The following PRKCZ variants were observed in gnomAD, a reference collection of about 807,000 sequenced individuals.
PRKCZ encodes protein kinase C zeta type.
In PRKCZ, 33 loss-of-function variants were observed where a neutral mutation model predicts 79.5. That is an observed-to-expected ratio of 0.41 (90% CI 0.31 to 0.55). The LOEUF (loss-of-function observed/expected upper bound fraction) is 0.55. Ranked by LOEUF, PRKCZ falls within the 20% of genes least tolerant of loss-of-function variation. The probability of loss-of-function intolerance (pLI) is 0.19; values close to 1 mark genes in which losing one functional copy is unlikely to be tolerated. For missense variants in PRKCZ, 578 were observed against 813.5 expected (o/e 0.71, Z 3.52); for synonymous variants, 342 against 320.9 (o/e 1.07, Z -0.70).
At chr1:2,096,129 G>C (rs1206290069) in intron 4 of PRKCZ, among the ~76,000 whole-genome samples, 2 of 151,660 alleles carry the variant, frequency 1.3e-5, no homozygotes, top group Non-Finnish European at 2.9e-5. Flanking sequence ...CAAGCAGATG[G>C]GGACCTCGGC....
In PRKCZ at chr1:2,066,633, C is replaced by T. The variant is rs192767102; in HGVS notation, c.334+7042C>T. ...TAGGGATTTCGGGCATGAGCTGCTG[C>T]GCCCGGCCCTGCTCTCATCTTTATT... On this transcript the variant is annotated intron_variant, in intron 4 of 17. Transcript: ENST00000378567. 7.5e-4 allele frequency among the ~76,000 whole-genome samples: 115 copies of T among 152,334 alleles called. 2 individuals are homozygous for T. The East Asian group carries it at 0.016, about 21-fold the overall frequency.
At position 2,123,324 on chromosome 1, in the gene PRKCZ, TGGTGGTGGTTAGGGTCAC is replaced by T. The variant is rs1557622655; in HGVS notation, c.335-11921_335-11904del. 5.7e-4 allele frequency among the ~76,000 whole-genome samples: 12 copies of T among 21,108 alleles called. 2 individuals carry two copies. Among genetic ancestry groups the T allele is most frequent in the Middle Eastern group, 0.014 (1 of 70 alleles). 13.8% of individuals were successfully genotyped at this position (21,108 alleles called of 152,430 possible). On this transcript the variant is annotated intron_variant, in intron 4 of 17. Coordinates refer to ENST00000378567, the MANE Select transcript of PRKCZ (RefSeq NM_002744.6). Reference sequence around the variant, plus strand: ...AGGGTCACGGTGGTGGTTAGGGTCATGGTGGTGGTTAGGGTCACGGTGGTGGTTAGGGTCGTGGTGGTT... The same window carrying T: ...AGGGTCACGGTGGTGGTTAGGGTCATGGTGGTGGTTAGGGTCGTGGTGGTT...
chr1:2,151,841 G>A (rs939699319), intron 9 of PRKCZ, among the ~76,000 whole-genome samples: 3 of 151,842 alleles, frequency 2.0e-5, no homozygotes, highest in Non-Finnish European at 4.4e-5. Context: ...TGTATTTTTT[G>A]TAGAGGCAGT....
At chr1:2,133,690 C>T (rs563329254) in intron 4 of PRKCZ, 1 of 153,146 alleles carries the variant, frequency 6.5e-6, no homozygotes, top group Non-Finnish European at 1.5e-5. Flanking sequence ...GACTCGGCCC[C>T]TCAGCTGTGC....
At chr1:2,053,579 T>C (rs1345862895) in intron 1 of PRKCZ, among the ~76,000 whole-genome samples, 3 of 152,136 alleles carry the variant, frequency 2.0e-5, no homozygotes, top group Non-Finnish European at 4.4e-5. Context: ...GGGATAGGGT[T>C]GGAGGTGGTG....
intron 11 of PRKCZ, among the ~76,000 whole-genome samples, chr1:2,170,579 CCG>C (rs1684234937): frequency 6.6e-6 from 1 of 152,196 alleles, no homozygotes; most frequent in South Asian, 2.1e-4. Flanking sequence ...CTGCTGGCCC[CCG>C]TCTCATCTCC....
At chr1:2,143,545 C>T (rs371215467) in intron 5 of PRKCZ, 1 of 152,218 alleles carries the variant, frequency 6.6e-6, no homozygotes, top group Non-Finnish European at 1.5e-5. Flanking sequence ...AAGCAGGTCC[C>T]GACAACATTC....
intron 11 of PRKCZ, 76 bp downstream of exon 11, chr1:2,169,680 T>G (rs1233083817): frequency 1.2e-4 from 41 of 329,312 alleles, no homozygotes; most frequent in East Asian, 2.9e-4. Context: ...GTTGGGGGGC[T>G]GGGTGGGTGC....
chr1:2,082,348 G>A lies in PRKCZ; in HGVS notation c.334+22757G>A, dbSNP rs1417230718. On this transcript the variant is annotated intron_variant, in intron 4 of 17. Coordinates refer to ENST00000378567, the MANE Select transcript of PRKCZ (RefSeq NM_002744.6). This position sits in a 1 kb window ranked among gnomAD's most constrained non-coding sequence, Gnocchi z 4.4. ...GGACTTGGCAAATCACCTCTTTCAA[G>A]TTGCCGGCTACCCGGCTGCCGTAGA... is the stretch of plus-strand genomic sequence containing the variant. 2.2e-6 allele frequency: 1 copy of A among 455,882 alleles called. No homozygotes were observed. The allele number at this position is 455,882 out of a possible 1,614,324, so 28.2% of individuals were successfully genotyped here.
Position 2,166,770 on chromosome 1 carries a change from A to C in PRKCZ, c.975-2748A>C, listed in dbSNP as rs569974360. Among the ~76,000 whole-genome samples, 325 of 152,222 alleles carry C rather than the reference A, an allele frequency of 2.1e-3. 3 individuals are homozygous for C. The highest frequency in any genetic ancestry group is 0.01 in the South Asian group (50 of 4,824). On this transcript the variant is annotated intron_variant, in intron 10 of 17. Transcript: ENST00000378567. ...CCACCCCCAGGCTGTGCTTCCCAGCATCCCTTGGGGTCAGGACTGTGTGTG... is the reference window on the plus strand; with the variant it reads ...CCACCCCCAGGCTGTGCTTCCCAGCCTCCCTTGGGGTCAGGACTGTGTGTG...
At chr1:2,184,270 C>T (rs965799738) in intron 16 of PRKCZ, 7 of 323,400 alleles carry the variant, frequency 2.2e-5, no homozygotes, top group African/African-American at 4.3e-5. Flanking sequence ...AGTTAGTTGT[C>T]GGTGCCCCTC....
chr1:2,166,172 C>G (rs945235344), intron 10 of PRKCZ, among the ~76,000 whole-genome samples: 2 of 152,136 alleles, frequency 1.3e-5, no homozygotes, highest in Non-Finnish European at 2.9e-5. Context: ...TAATCCCAGC[C>G]CTTTGGGAGG....
chr1:2,079,089 G>A (rs895685197), intron 4 of PRKCZ, among the ~76,000 whole-genome samples: 4 of 152,194 alleles, frequency 2.6e-5, no homozygotes, highest in East Asian at 1.9e-4. Context: ...TGATCCGCCC[G>A]CCTCGGCCTC....
chr1:2,126,494 G>A (rs971410299), intron 4 of PRKCZ, among the ~76,000 whole-genome samples: 3 of 151,768 alleles, frequency 2.0e-5, no homozygotes, highest in African/African-American at 4.8e-5. Flanking sequence ...CTGCCCCGCC[G>A]ACCCTGCCAT....
intron 5 of PRKCZ, among the ~76,000 whole-genome samples, chr1:2,135,791 G>A (rs1368606084): frequency 6.6e-6 from 1 of 152,250 alleles, no homozygotes; most frequent in East Asian, 1.9e-4. Flanking sequence ...TTGGGCCTCT[G>A]TCTTCCCAGC....
chr1:2,081,786 A>G (rs1300305087), intron 4 of PRKCZ, among the ~76,000 whole-genome samples: 1 of 151,942 alleles, frequency 6.6e-6, no homozygotes, highest in Non-Finnish European at 1.5e-5. Flanking sequence ...ACCTGGCACC[A>G]AGCTCAGGCA....
At chr1:2,153,290 G>A (rs181556244) in intron 9 of PRKCZ, among the ~76,000 whole-genome samples, 190 of 152,356 alleles carry the variant, frequency 1.2e-3, no homozygotes, top group African/African-American at 4.2e-3. Flanking sequence ...TGCAGGTTGC[G>A]TCTCTCAGGA....
intron 4 of PRKCZ, among the ~76,000 whole-genome samples, chr1:2,131,880 C>T (rs1675031293): frequency 6.6e-6 from 1 of 152,204 alleles, no homozygotes; most frequent in Non-Finnish European, 1.5e-5. Context: ...GGCGCGATCG[C>T]GGCTCACTGC....
chr1:2,065,911 G>A lies in PRKCZ; in HGVS notation c.334+6320G>A, dbSNP rs78414760. Among the ~76,000 whole-genome samples, 1,914 of 152,042 alleles carry A rather than the reference G, an allele frequency of 0.013. 139 individuals carry two copies. In the East Asian group the frequency reaches 0.21, roughly 17 times the overall value. ...ATGCTTCTTCTGCATCAGTTGAGAC[G>A]ATCATGTGTTTTTTTTACCTTCATT... is the stretch of plus-strand genomic sequence containing the variant. On this transcript the variant is annotated intron_variant, in intron 4 of 17. Coordinates refer to ENST00000378567, the MANE Select transcript of PRKCZ (RefSeq NM_002744.6).
Sources: allele counts gnomAD v4.1 joint callset (sites outside exome capture counted in the v4.1 genomes callset), GRCh38; gene constraint gnomAD v4.1.1; non-coding constraint Gnocchi (gnomAD v3.1); transcripts MANE v1.5; gene names NCBI Gene and HGNC (gene_info 2026-07-23, HGNC 2026-07-21).